The following DOK6 variants were observed in gnomAD, a reference collection of about 807,000 sequenced individuals.
The protein encoded by DOK6 is docking protein 6, also known as downstream of tyrosine kinase 6.
DOK6 carries 22 observed loss-of-function variants against 44.0 expected under a neutral mutation model. The ratio of observed to expected loss-of-function variants is 0.50; its 90% CI spans 0.36 to 0.71. The LOEUF (loss-of-function observed/expected upper bound fraction) is 0.71. Among genes scored for constraint, DOK6 ranks in the 30% least tolerant of loss-of-function variants. DOK6 has a pLI of 0.00. For synonymous variants in DOK6, 166 were observed against 145.5 expected (o/e 1.14, Z -1.01); for missense variants, 340 against 416.4 (o/e 0.82, Z 1.60).
At position 69,642,511 on chromosome 18, in the gene DOK6, T is replaced by TA. The variant is rs371901199; in HGVS notation, c.290-35220dup. The stretch of plus-strand genomic sequence containing the variant: ...CATCTCTTAAAACAAAACAAACACT[T>TA]AAACACTTATTGCATTTGGTTATCA... On this transcript the variant is annotated intron_variant, in intron 3 of 7. Coordinates refer to ENST00000382713, the MANE Select transcript of DOK6 (RefSeq NM_152721.6). Among the ~76,000 whole-genome samples, 238 of 152,272 alleles carry TA rather than the reference T, an allele frequency of 1.6e-3. 1 individual carries two copies. Among genetic ancestry groups the TA allele is most frequent in the African/African-American group, 5.2e-3 (216 of 41,564 alleles).
chr18:69,780,690 C>T (rs962577600), intron 7 of DOK6, among the ~76,000 whole-genome samples: 3 of 152,154 alleles, frequency 2.0e-5, no homozygotes, highest in Non-Finnish European at 2.9e-5. Flanking sequence ...TCTTTCTATA[C>T]GGAATACAAC....
chr18:69,515,272 G>T (rs3925697), intron 1 of DOK6, among the ~76,000 whole-genome samples: 92,180 of 151,602 alleles, frequency 0.61, 28,794 homozygotes, highest in Non-Finnish European at 0.69. Context: ...AAGAAAAATT[G>T]TCCGTATGTT....
intron 3 of DOK6, among the ~76,000 whole-genome samples, chr18:69,627,471 C>T (rs182419362): frequency 3.3e-5 from 5 of 152,116 alleles, no homozygotes; most frequent in South Asian, 2.1e-4. Context: ...TATTTTGTGA[C>T]GGAGTCTCGC....
chr18:69,408,790 T>C (rs1202809527), intron 1 of DOK6, among the ~76,000 whole-genome samples: 1 of 152,224 alleles, frequency 6.6e-6, no homozygotes, highest in East Asian at 1.9e-4. Flanking sequence ...CTCAAGAGAC[T>C]GGATTATTTT....
intron 1 of DOK6, among the ~76,000 whole-genome samples, chr18:69,553,444 A>G (rs1324719446): frequency 6.6e-6 from 1 of 152,230 alleles, no homozygotes; most frequent in Non-Finnish European, 1.5e-5. Flanking sequence ...TGATGTGGAA[A>G]TAGGTGGGCC....
chr18:69,685,458 A>G lies in DOK6; in HGVS notation c.409+7605A>G, dbSNP rs538306840. ...CAGAGGATTGTTGTGAGGACTAAAT[A>G]AGATATGACTTGGAAAACAGGCAGT... On this transcript the variant is annotated intron_variant, in intron 4 of 7. Coordinates refer to ENST00000382713, the MANE Select transcript of DOK6 (RefSeq NM_152721.6). Among the ~76,000 whole-genome samples the G allele has an allele frequency of 6.6e-5, 10 of 152,328 alleles. 1 individual carries two copies. Among genetic ancestry groups the G allele is most frequent in the African/African-American group, 2.4e-4 (10 of 41,592 alleles).
At chr18:69,585,616 A>G (rs1555714945) in intron 2 of DOK6, among the ~76,000 whole-genome samples, 1 of 152,220 alleles carries the variant, frequency 6.6e-6, no homozygotes, top group Non-Finnish European at 1.5e-5. Context: ...ATTAAATATA[A>G]TGTGTCTTTT....
intron 1 of DOK6, among the ~76,000 whole-genome samples, chr18:69,542,763 C>T (rs1485255710): frequency 1.3e-5 from 2 of 151,398 alleles, no homozygotes; most frequent in Non-Finnish European, 3.0e-5. Flanking sequence ...GAAGTTATTT[C>T]TTCCATGGGC....
intron 3 of DOK6, among the ~76,000 whole-genome samples, chr18:69,621,720 C>T (rs1984447145): frequency 6.6e-6 from 1 of 152,134 alleles, no homozygotes; most frequent in Admixed American, 6.5e-5. Context: ...GGAGGCATTT[C>T]AATGGGACTT....
chr18:69,786,951 C>T (rs1241123086), intron 7 of DOK6, among the ~76,000 whole-genome samples: 2 of 152,216 alleles, frequency 1.3e-5, no homozygotes, highest in South Asian at 2.1e-4. Context: ...CTTGGTGGCT[C>T]ACGCCTGTAA....
At chr18:69,569,752 G>T (rs562558698) in intron 2 of DOK6, among the ~76,000 whole-genome samples, 1 of 151,796 alleles carries the variant, frequency 6.6e-6, no homozygotes, top group African/African-American at 2.4e-5. Context: ...TACCATAAAG[G>T]CACATGCACA....
At chr18:69,800,085 G>A (rs964003234) in intron 7 of DOK6, among the ~76,000 whole-genome samples, 36 of 54,558 alleles carry the variant, frequency 6.6e-4, no homozygotes, top group African/African-American at 9.0e-4. Flanking sequence ...ATTTCTCTAC[G>A]TTCTATTAAA....
chr18:69,627,051 T>C (rs1330969990), intron 3 of DOK6, among the ~76,000 whole-genome samples: 1 of 152,128 alleles, frequency 6.6e-6, no homozygotes, highest in African/African-American at 2.4e-5. Flanking sequence ...CTTATAGACC[T>C]GGGTAAATAC....
At chr18:69,527,622 A>G (rs189114719) in intron 1 of DOK6, among the ~76,000 whole-genome samples, 19 of 152,284 alleles carry the variant, frequency 1.2e-4, no homozygotes, top group Non-Finnish European at 2.5e-4. Context: ...AGCATAATGC[A>G]ATTAGATTAT....
chr18:69,515,067 T>C (rs1242804891), intron 1 of DOK6, among the ~76,000 whole-genome samples: 6 of 152,190 alleles, frequency 3.9e-5, no homozygotes, highest in Non-Finnish European at 8.8e-5. Flanking sequence ...TGATGACAGC[T>C]TTCCGTTTGT....
chr18:69,476,004 T>C (rs1218542848), intron 1 of DOK6, among the ~76,000 whole-genome samples: 1 of 152,198 alleles, frequency 6.6e-6, no homozygotes, highest in African/African-American at 2.4e-5. Context: ...GTAAGCATAG[T>C]ACCCAACCAT....
intron 7 of DOK6, among the ~76,000 whole-genome samples, chr18:69,778,615 G>A (rs1980155265): frequency 6.6e-6 from 1 of 152,142 alleles, no homozygotes; most frequent in South Asian, 2.1e-4. Flanking sequence ...TACTGCTTTT[G>A]AAATGTACTT....
intron 1 of DOK6, among the ~76,000 whole-genome samples, chr18:69,563,577 C>G (rs1982893503): frequency 6.9e-6 from 1 of 145,088 alleles, no homozygotes; most frequent in Non-Finnish European, 1.5e-5. Context: ...CGCATGTTCT[C>G]ACTCATAGGT....
intron 7 of DOK6, among the ~76,000 whole-genome samples, chr18:69,828,338 G>GCTGT (rs1470077601): frequency 6.6e-6 from 1 of 151,450 alleles, no homozygotes; most frequent in African/African-American, 2.4e-5. Flanking sequence ...CATTTTACTG[G>GCTGT]CTGTCACAGA....
Sources: allele counts gnomAD v4.1 joint callset (sites outside exome capture counted in the v4.1 genomes callset), GRCh38; gene constraint gnomAD v4.1.1; transcripts MANE v1.5; gene names NCBI Gene and HGNC (gene_info 2026-07-23, HGNC 2026-07-21).